The following NR3C1 variants were observed in gnomAD, a reference collection of about 807,000 sequenced individuals.
NR3C1 encodes nuclear receptor subfamily 3 group C member 1.
A neutral mutation model predicts 74.0 loss-of-function variants in NR3C1; 14 were observed. That is an observed-to-expected ratio of 0.19 (90% CI 0.12 to 0.30). The LOEUF (loss-of-function observed/expected upper bound fraction) is 0.30, where lower values mean the gene tolerates loss of function less well. NR3C1 is among the 10% of genes least tolerant of loss of function. NR3C1 has a pLI of 1.00. For missense variants in NR3C1, 695 were observed against 909.8 expected (o/e 0.76, Z 3.04); for synonymous variants, 308 against 332.5 (o/e 0.93, Z 0.80).
chr5:143,363,528 G>A (rs917493736), intron 2 of NR3C1, among the ~76,000 whole-genome samples: 6 of 151,788 alleles, frequency 4.0e-5, no homozygotes, highest in Non-Finnish European at 8.8e-5. Flanking sequence ...AGCTGAGATC[G>A]TGCCACTGCA....
In NR3C1 at chr5:143,329,969, A is replaced by C. The variant is rs188711391; in HGVS notation, c.1185-15801T>G. On this transcript the variant is annotated intron_variant, in intron 2 of 8. Transcript: ENST00000394464. Reference sequence around the variant, plus strand: ...AATGTATATGTACTCTGATTTTCACATATTTGTCTACATATACATTTGTCA... The same window carrying C: ...AATGTATATGTACTCTGATTTTCACCTATTTGTCTACATATACATTTGTCA... 3.3e-4 allele frequency among the ~76,000 whole-genome samples: 50 copies of C among 152,324 alleles called. 1 individual carries two copies. Among genetic ancestry groups the C allele is most frequent in the Non-Finnish European group, 3.8e-4 (26 of 68,018 alleles).
chr5:143,398,580 C>G (rs181055571), intron 2 of NR3C1, among the ~76,000 whole-genome samples: 280 of 151,958 alleles, frequency 1.8e-3, no homozygotes, highest in African/African-American at 6.4e-3. Flanking sequence ...GAAAAAACTT[C>G]AATAGTTACA....
chr5:143,392,571 T>C (rs180779377), intron 2 of NR3C1, among the ~76,000 whole-genome samples: 159 of 152,218 alleles, frequency 1.0e-3, no homozygotes, highest in Admixed American at 9.2e-3. Flanking sequence ...ATCTGTAAAA[T>C]TAAGGTAAAT....
chr5:143,422,924 G>C (rs1470249204), intron 1 of NR3C1, among the ~76,000 whole-genome samples: 1 of 151,956 alleles, frequency 6.6e-6, no homozygotes, highest in South Asian at 2.1e-4. Flanking sequence ...TTCTCACCTG[G>C]CCTTTCTTTC....
intron 2 of NR3C1, among the ~76,000 whole-genome samples, chr5:143,347,388 T>C (rs1394514102): frequency 6.6e-6 from 1 of 152,140 alleles, no homozygotes; most frequent in Non-Finnish European, 1.5e-5. Flanking sequence ...AAACAGACTT[T>C]AACCCAGTGC....
At chr5:143,309,339 G>A (rs979373874) in intron 4 of NR3C1, among the ~76,000 whole-genome samples, 1 of 152,122 alleles carries the variant, frequency 6.6e-6, no homozygotes, top group Non-Finnish European at 1.5e-5. Context: ...CCAAAGTGCG[G>A]GGAGACCAAG....
chr5:143,282,772 C>A, intron 7 of NR3C1, 47 bp from the exon 8 acceptor site: 28 of 1,452,780 alleles, frequency 1.9e-5, no homozygotes, highest in Non-Finnish European at 2.2e-5. Context: ...TTTTTCTTTT[C>A]TTTTCTTTTT....
chr5:143,317,907 G>T (rs140670197), intron 2 of NR3C1, among the ~76,000 whole-genome samples: 2 of 152,088 alleles, frequency 1.3e-5, no homozygotes, highest in African/African-American at 4.8e-5. Context: ...TTTTGTAGCC[G>T]CCTCTTGTGT....
At position 143,298,745 on chromosome 5, in the gene NR3C1, T is replaced by A. The variant is rs754966095; in HGVS notation, c.1815A>T (p.Ala605=). ...LLQYSWMFLM[A]FALGWRSYRQ... ...TATATGATCTCCACCCCAGAGCAAA[T>A]GCCATAAGAAACATCCAGGAGTACT... The change falls in exon 6 of 9, where the codon GCA becomes GCT. Residue 605 remains alanine (A), a synonymous_variant. Coordinates refer to ENST00000394464, the MANE Select transcript of NR3C1 (RefSeq NM_000176.3). The A allele has an allele frequency of 2.5e-6, 4 of 1,613,910 alleles. No homozygotes were observed. In the South Asian group the frequency reaches 4.4e-5, roughly 18 times the overall value.
rs1840688029 is a variant in NR3C1, at chr5:143,403,222, G to T, written c.-25C>A. The T allele has an allele frequency of 2.0e-6, 2 of 985,322 alleles. No homozygotes were observed. The highest frequency in any genetic ancestry group is 2.4e-6 in the Non-Finnish European group (2 of 830,030). The allele number at this position is 985,322 out of a possible 1,614,324, so 61.0% of individuals were successfully genotyped here. On this transcript the variant is annotated 5_prime_UTR_variant, in exon 1 of 9. Transcript: ENST00000394464. ...GCCTCGCTTCTTACCTCTGGCAGAGGAGCCGCTCGCCCGCCACCGTCCGCA... is the reference window on the plus strand; with the variant it reads ...GCCTCGCTTCTTACCTCTGGCAGAGTAGCCGCTCGCCCGCCACCGTCCGCA...
chr5:143,404,983 T>A (rs1285090307), upstream of NR3C1, among the ~76,000 whole-genome samples: 1 of 152,152 alleles, frequency 6.6e-6, no homozygotes, highest in Non-Finnish European at 1.5e-5. Context: ...GATGTTCCTG[T>A]TAGGAGCTTC....
intron 1 of NR3C1, among the ~76,000 whole-genome samples, chr5:143,410,223 A>G (rs989966242): frequency 6.6e-6 from 1 of 152,114 alleles, no homozygotes; most frequent in African/African-American, 2.4e-5. Context: ...CCTTTGGTAA[A>G]GAGTGTTTCA....
chr5:143,323,785 G>A (rs935893387), intron 2 of NR3C1, among the ~76,000 whole-genome samples: 1 of 152,124 alleles, frequency 6.6e-6, no homozygotes, highest in Non-Finnish European at 1.5e-5. Context: ...GGGATGGGGG[G>A]CAGGGGGTAG....
intron 2 of NR3C1, among the ~76,000 whole-genome samples, chr5:143,382,414 G>A (rs772780012): frequency 6.6e-6 from 1 of 152,184 alleles, no homozygotes; most frequent in Non-Finnish European, 1.5e-5. Flanking sequence ...TATGAACAGC[G>A]TGTAGTATGG....
chr5:143,368,026 G>A (rs1284715111), intron 2 of NR3C1, among the ~76,000 whole-genome samples: 1 of 152,184 alleles, frequency 6.6e-6, no homozygotes, highest in Non-Finnish European at 1.5e-5. Flanking sequence ...TCAAAACAGT[G>A]TGGTACTGGC....
chr5:143,323,139 C>G (rs368448775), intron 2 of NR3C1, among the ~76,000 whole-genome samples: 15 of 152,318 alleles, frequency 9.8e-5, no homozygotes, highest in African/African-American at 3.4e-4. Context: ...CGTGAATCAT[C>G]CCTTTGTCCA....
intron 2 of NR3C1, among the ~76,000 whole-genome samples, chr5:143,340,640 G>A (rs544973595): frequency 1.3e-5 from 2 of 151,720 alleles, no homozygotes; most frequent in Middle Eastern, 3.4e-3. Flanking sequence ...GCGCCACCAC[G>A]CCCAGCTATT....
intron 2 of NR3C1, among the ~76,000 whole-genome samples, chr5:143,323,338 G>C (rs1823784381): frequency 6.6e-6 from 1 of 152,180 alleles, no homozygotes; most frequent in Middle Eastern, 3.2e-3. Context: ...TTCTTACATG[G>C]TGGTGGCAAG....
chr5:143,318,235 T>C (rs1375073140), intron 2 of NR3C1, among the ~76,000 whole-genome samples: 2 of 152,140 alleles, frequency 1.3e-5, no homozygotes, highest in Non-Finnish European at 2.9e-5. Flanking sequence ...TTAATGGTCC[T>C]CCAGAAACTT....
Sources: gnomAD v4.1 joint callset for allele counts (sites outside exome capture counted in the v4.1 genomes callset) on GRCh38, gnomAD v4.1.1 for gene constraint, MANE v1.5 for transcripts, NCBI Gene and HGNC (gene_info 2026-07-23, HGNC 2026-07-21) for gene names.